The following ERI1 variants were observed in gnomAD, a reference collection of about 807,000 sequenced individuals.
ERI1 encodes the protein 3'-5' exoribonuclease 1.
In ERI1, 39 loss-of-function variants were observed where a neutral mutation model predicts 39.7. The observed-to-expected ratio is 0.98, with a 90% CI of 0.76 to 1.28. The LOEUF is 1.28. Ranked by LOEUF, ERI1 falls within the 50% of genes most tolerant of loss-of-function variation. ERI1 has a pLI of 0.00. For missense variants in ERI1, 581 were observed against 416.9 expected (o/e 1.39, Z -3.43); for synonymous variants, 204 against 149.6 (o/e 1.36, Z -2.65).
intron 3 of ERI1, among the ~76,000 whole-genome samples, chr8:9,013,430 C>G (rs1182475770): frequency 6.6e-6 from 1 of 151,932 alleles, no homozygotes; most frequent in African/African-American, 2.4e-5. Context: ...TTCTCCAGCC[C>G]TACTGGATTC....
At chr8:9,012,916 C>A (rs936847279) in intron 3 of ERI1, among the ~76,000 whole-genome samples, 1 of 136,466 alleles carries the variant, frequency 7.3e-6, no homozygotes, top group African/African-American at 2.9e-5. Context: ...CCATAACCTT[C>A]AATAAAGTTT....
At position 9,008,268 on chromosome 8, in the gene ERI1, C is replaced by G. The variant is rs189981945; in HGVS notation, c.287+120C>G. On this transcript the variant is annotated intron_variant, in intron 2 of 6. Coordinates refer to ENST00000250263, the MANE Select transcript of ERI1 (RefSeq NM_153332.4). Reference sequence around the variant, plus strand: ...TACCGTAATGACATGATCCTATTAACAGTTCACAAAAACTAATTAACATTT... The same window carrying G: ...TACCGTAATGACATGATCCTATTAAGAGTTCACAAAAACTAATTAACATTT... 4.9e-5 allele frequency: 44 copies of G among 896,840 alleles called. No individual in the cohort carries two copies. The African/African-American group carries it at 6.7e-4, about 14-fold the overall frequency. The allele number at this position is 896,840 out of a possible 1,614,324, so 55.6% of individuals were successfully genotyped here. A position where few individuals can be genotyped will look rare whatever the true frequency, so the allele number is the denominator to read the frequency against.
At chr8:9,043,814 A>C (rs1332030748) in intron 3 of ERI1, among the ~76,000 whole-genome samples, 1 of 152,230 alleles carries the variant, frequency 6.6e-6, no homozygotes, top group Non-Finnish European at 1.5e-5. Context: ...CAGCCTCCTG[A>C]GTAGCTGGGA....
intron 6 of ERI1, among the ~76,000 whole-genome samples, chr8:9,029,501 T>C (rs1021235935): frequency 2.6e-5 from 4 of 152,070 alleles, no homozygotes; most frequent in Admixed American, 6.5e-5. Flanking sequence ...GCTAATTTTT[T>C]TGTATTTTAA....
rs542273650 is a variant in ERI1, at chr8:9,016,830, C to T, written c.582+425C>T. Among the ~76,000 whole-genome samples the T allele has an allele frequency of 5.3e-5, 8 of 152,068 alleles. No individual in the cohort carries two copies. The East Asian group carries it at 9.7e-4, about 18-fold the overall frequency. The stretch of plus-strand genomic sequence containing the variant: ...CCTCCTGAGTAACTGGGACTACAGG[C>T]GCGTTGCCACCACACCCGGCTAATT... On this transcript the variant is annotated intron_variant, in intron 4 of 6. Coordinates refer to ENST00000250263, the MANE Select transcript of ERI1 (RefSeq NM_153332.4).
Position 9,012,922 on chromosome 8 carries a change from A to G in ERI1, c.498+1170A>G, listed in dbSNP as rs201087230. ...AAATTTATACCATAACCTTCAATAA[A>G]GTTTAAGCTGTGTATTCAATCCCAT... is the stretch of plus-strand genomic sequence containing the variant. On this transcript the variant is annotated intron_variant, in intron 3 of 6. Coordinates refer to ENST00000250263, the MANE Select transcript of ERI1 (RefSeq NM_153332.4). 1.3e-4 allele frequency among the ~76,000 whole-genome samples: 18 copies of G among 136,580 alleles called. No homozygotes were observed. The East Asian group carries it at 3.3e-3, about 25-fold the overall frequency. 89.6% of individuals were successfully genotyped at this position (136,580 alleles called of 152,430 possible). A position where few individuals can be genotyped will look rare whatever the true frequency, so the allele number is the denominator to read the frequency against.
Position 9,008,026 on chromosome 8 carries a change from C to G in ERI1, c.165C>G (p.Thr55=). 2 of 1,607,024 alleles carry G rather than the reference C, an allele frequency of 1.2e-6. No individual in the cohort carries two copies. The highest frequency in any genetic ancestry group is 2.2e-5 in the South Asian group (2 of 90,592). Residue 55 remains threonine, a synonymous_variant, in exon 2 of 7, where the codon ACC becomes ACG. Coordinates refer to ENST00000250263, the MANE Select transcript of ERI1 (RefSeq NM_153332.4). ...GQETKGSKFI[T]SSASDFSDPV... ...AGACAAAAGGATCCAAGTTCATTAC[C>G]TCCAGTGCGAGTGACTTCAGTGACC...
At chr8:9,049,330 CGTCTCCA>C (rs1798279289) in intron 3 of ERI1, among the ~76,000 whole-genome samples, 1 of 97,820 alleles carries the variant, frequency 1.0e-5, no homozygotes, top group Non-Finnish European at 2.0e-5. Context: ...AGTGAGACTC[CGTCTCCA>C]AAAAAAAAAA....
intron 1 of ERI1, among the ~76,000 whole-genome samples, chr8:9,003,446 C>T (rs1212485784): frequency 2.0e-5 from 3 of 152,208 alleles, no homozygotes; most frequent in Non-Finnish European, 4.4e-5. Flanking sequence ...TTGCTTTAAA[C>T]TTAATTCTGT....
intron 3 of ERI1, among the ~76,000 whole-genome samples, chr8:9,045,320 C>G (rs1483971832): frequency 4.6e-5 from 7 of 152,036 alleles, no homozygotes; most frequent in Non-Finnish European, 1.0e-4. Flanking sequence ...GGTTCTACAG[C>G]CAGTGCTCTG....
At chr8:9,097,343 C>G (rs9329177) in intron 3 of ERI1, among the ~76,000 whole-genome samples, 5 of 152,122 alleles carry the variant, frequency 3.3e-5, no homozygotes, top group African/African-American at 1.2e-4. Flanking sequence ...GTAAACCAAA[C>G]AAACAGGGCC....
At chr8:9,027,177 GTT>G (rs1797232860) in intron 6 of ERI1, among the ~76,000 whole-genome samples, 1 of 145,720 alleles carries the variant, frequency 6.9e-6, no homozygotes, top group African/African-American at 2.5e-5. Flanking sequence ...GTGTGTGTGT[GTT>G]TATGGCCATT....
At chr8:9,089,725 G>T (rs1462496698) in intron 3 of ERI1, among the ~76,000 whole-genome samples, 1 of 152,162 alleles carries the variant, frequency 6.6e-6, no homozygotes, top group Non-Finnish European at 1.5e-5. Flanking sequence ...GACGAGGTTT[G>T]TGTAGCCGGA....
intron 3 of ERI1, among the ~76,000 whole-genome samples, chr8:9,042,276 TTC>T (rs1255107959): frequency 6.6e-6 from 1 of 152,148 alleles, no homozygotes; most frequent in Non-Finnish European, 1.5e-5. Flanking sequence ...TTGCGATAAT[TTC>T]TCTCTGTGGC....
intron 3 of ERI1, among the ~76,000 whole-genome samples, chr8:9,044,744 C>G (rs1393668108): frequency 6.6e-6 from 1 of 152,022 alleles, no homozygotes; most frequent in Non-Finnish European, 1.5e-5. Context: ...ACATGAAACA[C>G]CACTGGAGTC....
intron 3 of ERI1, among the ~76,000 whole-genome samples, chr8:9,095,478 G>A (rs1000645522): frequency 7.1e-6 from 1 of 141,782 alleles, no homozygotes; most frequent in Non-Finnish European, 1.5e-5. Flanking sequence ...CATGGGACAG[G>A]TCTTTTGTTG....
chr8:9,009,961 C>T (rs17701980), intron 2 of ERI1, among the ~76,000 whole-genome samples: 33,658 of 152,108 alleles, frequency 0.22, 4,459 homozygotes, highest in Non-Finnish European at 0.31. Flanking sequence ...CATTTTACCT[C>T]GTAAGCAGAA....
Position 9,052,447 on chromosome 8 carries a change from G to C in ERI1, n.299+31983G>C, listed in dbSNP as rs570970950. Among the ~76,000 whole-genome samples the C allele has an allele frequency of 7.2e-5, 11 of 152,122 alleles. No homozygotes were observed. The South Asian group carries it at 1.9e-3, about 26-fold the overall frequency. On this transcript the variant is annotated intron_variant and non_coding_transcript_variant, in intron 3 of 3. Transcript: ENST00000518663. ...ATTCTGGTGCTGATTGGTTGAACTC[G>C]CCTAGAGCACTGAGTCTCTGGGATT...
intron 3 of ERI1, among the ~76,000 whole-genome samples, chr8:9,047,083 G>T (rs145162066): frequency 1.3e-5 from 2 of 152,296 alleles, no homozygotes; most frequent in Non-Finnish European, 2.9e-5. Context: ...AAACAGGCAA[G>T]CTGCTCTTTC....
Sources: gnomAD v4.1 joint callset for allele counts (sites outside exome capture counted in the v4.1 genomes callset) on GRCh38, gnomAD v4.1.1 for gene constraint, MANE v1.5 for transcripts, NCBI Gene and HGNC (gene_info 2026-07-23, HGNC 2026-07-21) for gene names.